PTPRT: variants seen among roughly 807,000 people sequenced by gnomAD.
PTPRT encodes protein tyrosine phosphatase receptor type T, also known as receptor-type tyrosine-protein phosphatase T.
In PTPRT, 56 loss-of-function variants were observed where a neutral mutation model predicts 176.8. That is an observed-to-expected ratio of 0.32 (90% CI 0.26 to 0.40). PTPRT has a LOEUF of 0.40. Ranked by LOEUF, PTPRT falls within the 10% of genes least tolerant of loss-of-function variation. The pLI, the probability that PTPRT is intolerant of heterozygous loss-of-function variation, is 1.00. For synonymous variants in PTPRT, 783 were observed against 739.0 expected (o/e 1.06, Z -0.96); for missense variants, 1,540 against 1,908.2 (o/e 0.81, Z 3.60).
chr20:42,694,415 C>T (rs549245762), intron 6 of PTPRT, among the ~76,000 whole-genome samples: 2 of 152,218 alleles, frequency 1.3e-5, no homozygotes, highest in South Asian at 4.2e-4. Flanking sequence ...ACATATGGGT[C>T]TATTGTTGTG....
intron 24 of PTPRT, 58 bp downstream of exon 24, chr20:42,106,728 A>G: frequency 6.3e-7 from 1 of 1,577,964 alleles, no homozygotes; most frequent in Non-Finnish European, 8.6e-7. Flanking sequence ...TTCTATCATC[A>G]TGTTTCTCCT....
At chr20:42,792,007 T>C (rs1033384932) in intron 2 of PTPRT, among the ~76,000 whole-genome samples, 8 of 152,218 alleles carry the variant, frequency 5.3e-5, no homozygotes, top group African/African-American at 1.9e-4. Flanking sequence ...AACAGAATGA[T>C]TCAAGCAAAG....
chr20:42,719,051 G>T (rs2076268501), intron 6 of PTPRT, among the ~76,000 whole-genome samples: 1 of 152,190 alleles, frequency 6.6e-6, no homozygotes, highest in African/African-American at 2.4e-5. Context: ...AATCTGAAAT[G>T]AATCTTAGGT....
chr20:42,574,064 G>C (rs1015402719), intron 7 of PTPRT, among the ~76,000 whole-genome samples: 2 of 152,118 alleles, frequency 1.3e-5, no homozygotes, highest in African/African-American at 4.8e-5. Context: ...CTCTTTCTAT[G>C]CTTCTGACTG....
intron 7 of PTPRT, among the ~76,000 whole-genome samples, chr20:42,638,389 T>C (rs1241285658): frequency 6.6e-6 from 1 of 152,114 alleles, no homozygotes; most frequent in Admixed American, 6.6e-5. Flanking sequence ...TGGGGATGTG[T>C]GCTTTTGAAG....
chr20:42,795,584 C>T (rs1177409147), intron 2 of PTPRT, among the ~76,000 whole-genome samples: 1 of 152,220 alleles, frequency 6.6e-6, no homozygotes, highest in South Asian at 2.1e-4. Context: ...ACCAAGAGCT[C>T]AGCATGGTCC....
intron 12 of PTPRT, among the ~76,000 whole-genome samples, chr20:42,296,013 T>C (rs1353370441): frequency 6.6e-6 from 1 of 152,242 alleles, no homozygotes; most frequent in African/African-American, 2.4e-5. Flanking sequence ...TATCTTTTCT[T>C]TATAAATTAC....
chr20:42,112,137 G>A (rs1384746058), intron 22 of PTPRT, among the ~76,000 whole-genome samples: 1 of 152,210 alleles, frequency 6.6e-6, no homozygotes, highest in Non-Finnish European at 1.5e-5. Flanking sequence ...ACAAGAGGAA[G>A]TGCATCATTA....
intron 9 of PTPRT, among the ~76,000 whole-genome samples, chr20:42,418,035 G>A (rs1052166334): frequency 6.6e-6 from 1 of 152,044 alleles, no homozygotes; most frequent in Non-Finnish European, 1.5e-5. Context: ...ACATTCAACA[G>A]GTATTTGTAT....
chr20:42,115,398 C>T, intron 21 of PTPRT, 83 bp from the exon 22 acceptor site: 1 of 1,051,830 alleles, frequency 9.5e-7, no homozygotes, highest in South Asian at 1.3e-5. Context: ...GCAGCTGTCT[C>T]ATCTGGTCGT....
At chr20:42,708,338 T>A (rs1043369059) in intron 6 of PTPRT, among the ~76,000 whole-genome samples, 5 of 152,172 alleles carry the variant, frequency 3.3e-5, no homozygotes, top group African/African-American at 1.2e-4. Flanking sequence ...TAGACTCTAA[T>A]AGGAAGCATG....
Position 42,620,785 on chromosome 20 carries a change from C to T in PTPRT, c.1153+57081G>A, listed in dbSNP as rs375158846. 3.2e-4 allele frequency among the ~76,000 whole-genome samples: 48 copies of T among 152,308 alleles called. No homozygotes were observed. The East Asian group carries it at 5.8e-3, about 18-fold the overall frequency. On this transcript the variant is annotated intron_variant, in intron 7 of 30. Coordinates refer to ENST00000373187, the MANE Select transcript of PTPRT (RefSeq NM_007050.6). ...GCACTTCCCAAGTGAGGCAATGCCT[C>T]GCCCTGCTTCGGCTTGCGCACGGTG...
In PTPRT at chr20:42,141,929, C is replaced by A. The variant is rs772618153; in HGVS notation, c.2756G>T (p.Gly919Val). Residue 919 changes from glycine to valine, a missense_variant, in exon 18 of 31, where the codon GGG becomes GTG. Transcript: ENST00000373187. Reference protein sequence around the residue: ...EDENRNKNRYGNIISYDHSRV... With the variant: ...EDENRNKNRYVNIISYDHSRV... ...AGGGCACCTACAGGATATGATGTTC[C>A]CATATCGATTCTTATTGCGGTTTTC... 1.2e-6 allele frequency: 2 copies of A among 1,613,900 alleles called. No homozygotes were observed.
At chr20:42,343,541 C>T (rs1195611737) in intron 11 of PTPRT, among the ~76,000 whole-genome samples, 2 of 152,244 alleles carry the variant, frequency 1.3e-5, no homozygotes, top group East Asian at 1.9e-4. Flanking sequence ...GCTCTTAACC[C>T]CGACTGTGCT....
At chr20:42,963,075 C>T (rs1982092295) in intron 1 of PTPRT, among the ~76,000 whole-genome samples, 1 of 152,278 alleles carries the variant, frequency 6.6e-6, no homozygotes, top group South Asian at 2.1e-4. Context: ...TGGCAGGCAC[C>T]TGTAGTTCCA....
At chr20:43,066,531 T>C (rs956735320) in intron 1 of PTPRT, among the ~76,000 whole-genome samples, 2 of 152,180 alleles carry the variant, frequency 1.3e-5, no homozygotes, top group Admixed American at 1.3e-4. Context: ...CCAGGCCTCA[T>C]CTGAAGAAGT....
chr20:42,379,532 C>A (rs2058680334), intron 9 of PTPRT, among the ~76,000 whole-genome samples: 1 of 152,210 alleles, frequency 6.6e-6, no homozygotes, highest in Non-Finnish European at 1.5e-5. Context: ...CTTACTTTTC[C>A]TAGAGGCACC....
At chr20:42,759,014 G>A (rs537997249) in intron 5 of PTPRT, among the ~76,000 whole-genome samples, 5 of 152,300 alleles carry the variant, frequency 3.3e-5, no homozygotes, top group South Asian at 2.1e-4. Context: ...TCCCAAAGTA[G>A]TGCAGGGAGA....
At chr20:42,164,944 G>A (rs751926941) in intron 16 of PTPRT, among the ~76,000 whole-genome samples, 5 of 152,074 alleles carry the variant, frequency 3.3e-5, no homozygotes, top group Admixed American at 1.3e-4. Context: ...TTTATTTATC[G>A]TGCAATAATA....
Sources: gnomAD v4.1 joint callset for allele counts (sites outside exome capture counted in the v4.1 genomes callset) on GRCh38, gnomAD v4.1.1 for gene constraint, MANE v1.5 for transcripts, NCBI Gene and HGNC (gene_info 2026-07-23, HGNC 2026-07-21) for gene names.